Variants in FANCM observed in about 807,000 individuals in gnomAD.
The protein encoded by FANCM is Fanconi anemia group M protein.
A neutral mutation model predicts 199.5 loss-of-function variants in FANCM; 140 were observed. That is an observed-to-expected ratio of 0.70 (90% CI 0.61 to 0.81). The LOEUF (loss-of-function observed/expected upper bound fraction) is 0.81. FANCM is among the 30% of genes least tolerant of loss of function. The pLI is 0.00. For synonymous variants in FANCM, 840 were observed against 836.8 expected (o/e 1.00, Z -0.07); for missense variants, 2,410 against 2,421.4 (o/e 1.00, Z 0.10).
In FANCM at chr14:45,199,886, T is replaced by C; in HGVS notation, c.6025T>C (p.Ser2009Pro). The part of the protein sequence containing the change: ...RMANSSLQEI[S>P]MYAQVTHQKA... ...ATTTTTCAGCTCACTTCAAGAAATC[T>C]CCATGTATGCACAAGTAACTCATCA... Residue 2009 changes from serine (S) to proline (P), a missense_variant, in exon 23 of 23, where the codon TCC (serine) becomes CCC (proline). Transcript: ENST00000267430. 6.2e-7 allele frequency: 1 copy of C among 1,612,146 alleles called. No individual in the cohort carries two copies. Among genetic ancestry groups the C allele is most frequent in the Non-Finnish European group, 8.5e-7 (1 of 1,178,590 alleles).
chr14:45,166,937 T>C lies in FANCM; in HGVS notation c.1789-13T>C. The C allele has an allele frequency of 7.5e-7, 1 of 1,327,268 alleles. No homozygotes were observed. The highest frequency in any genetic ancestry group is 1.7e-5 in the Admixed American group (1 of 59,350). 82.2% of individuals were successfully genotyped at this position (1,327,268 alleles called of 1,614,324 possible). A position where few individuals can be genotyped will look rare whatever the true frequency, so the allele number is the denominator to read the frequency against. ...AAGTAATATAATCTGACATTTTCTATTTGTTTTTACAGATTTATAATCAGA... is the reference window on the plus strand; with the variant it reads ...AAGTAATATAATCTGACATTTTCTACTTGTTTTTACAGATTTATAATCAGA... On this transcript the variant is annotated splice_polypyrimidine_tract_variant and intron_variant, in intron 10 of 22. Transcript: ENST00000267430.
rs1039314869 is a variant in FANCM, at chr14:45,176,695, C to T, written c.3941C>T (p.Ala1314Val). 3.7e-6 allele frequency: 6 copies of T among 1,613,496 alleles called. No homozygotes were observed. The African/African-American group carries it at 4.0e-5, about 11-fold the overall frequency. Reference protein sequence around the residue: ...NPNYVHLPLSAAKNEELLSPG... With the variant: ...NPNYVHLPLSVAKNEELLSPG... ...AATTATGTACATTTGCCACTGAGTG[C>T]AGCAAAAAATGAAGAATTGTTATCT... is the stretch of plus-strand genomic sequence containing the variant. Residue 1314 changes from alanine (A) to valine (V), a missense_variant, in exon 14 of 23, where the codon GCA becomes GTA. Transcript: ENST00000267430.
At position 45,189,194 on chromosome 14, in the gene FANCM, T is replaced by G; in HGVS notation, c.5172T>G (p.Val1724=). The G allele has an allele frequency of 6.2e-7, 1 of 1,614,174 alleles. No individual in the cohort carries two copies. The highest frequency in any genetic ancestry group is 8.5e-7 in the Non-Finnish European group (1 of 1,180,026). The change falls in exon 20 of 23, where the codon GTT becomes GTG. Residue 1724 remains valine, a synonymous_variant. Coordinates refer to ENST00000267430, the MANE Select transcript of FANCM (RefSeq NM_020937.4). ...CCAAGGTGCGTTCTACTCCAAGAGTTAATCCATTAGCAAAGCAGAGCAAAC... is the reference window on the plus strand; with the variant it reads ...CCAAGGTGCGTTCTACTCCAAGAGTGAATCCATTAGCAAAGCAGAGCAAAC... ...AQSKVRSTPR[V]NPLAKQSKQT...
intron 20 of FANCM, among the ~76,000 whole-genome samples, chr14:45,191,310 A>T (rs535374696): frequency 6.6e-6 from 1 of 152,250 alleles, no homozygotes; most frequent in East Asian, 1.9e-4. Flanking sequence ...GCTGTAATTC[A>T]CACTAGTGAC....
At chr14:45,147,707 A>G (rs572185231) in intron 3 of FANCM, among the ~76,000 whole-genome samples, 65 of 151,282 alleles carry the variant, frequency 4.3e-4, no homozygotes, top group African/African-American at 1.5e-3. Flanking sequence ...AGTTAGGCCA[A>G]CATGGTGAAA....
rs1359577996 is a variant in FANCM at position 45,189,101 on chromosome 14, C to A, written c.5079C>A (p.Ser1693Arg). 1 of 1,614,146 alleles carries A rather than the reference C, an allele frequency of 6.2e-7. No homozygotes were observed. The change falls in exon 20 of 23, where the codon AGC becomes AGA. Residue 1693 changes from serine (S) to arginine (R), a missense_variant. Ser to Arg is a moderately radical substitution (Grantham distance 110). Coordinates refer to ENST00000267430, the MANE Select transcript of FANCM (RefSeq NM_020937.4). ...AATCTAATATTGCGGTTAACCCAAG[C>A]ACTGTTAAGAAGAACAAACAACAGG... The part of the protein sequence containing the change: ...KRESNIAVNP[S>R]TVKKNKQQDH...
Position 45,198,818 on chromosome 14 carries a change from T to C in FANCM, c.5891T>C (p.Val1964Ala). ...AATGTTGGTATTCATGTTCCAACAGTGGTGAATAGTAATAAAAGTGAGGCA... is the reference window on the plus strand; with the variant it reads ...AATGTTGGTATTCATGTTCCAACAGCGGTGAATAGTAATAAAAGTGAGGCA... ...RKNVGIHVPT[V>A]VNSNKSEALQ... Residue 1964 changes from valine to alanine, a missense_variant, in exon 22 of 23, where the codon GTG (valine) becomes GCG (alanine). By Grantham distance (64) the Val-to-Ala change is moderately conservative (BLOSUM62 0). Coordinates refer to ENST00000267430, the MANE Select transcript of FANCM (RefSeq NM_020937.4). The C allele has an allele frequency of 6.2e-7, 1 of 1,613,742 alleles. No homozygotes were observed. Among genetic ancestry groups the C allele is most frequent in the Non-Finnish European group, 8.5e-7 (1 of 1,179,676 alleles).
At chr14:45,167,854 A>G (rs1888091960) in intron 11 of FANCM, among the ~76,000 whole-genome samples, 1 of 152,180 alleles carries the variant, frequency 6.6e-6, no homozygotes, top group Non-Finnish European at 1.5e-5. Context: ...TCAAGGTAGG[A>G]ATGCTTCTGC....
intron 18 of FANCM, among the ~76,000 whole-genome samples, chr14:45,185,702 G>T (rs572547510): frequency 6.6e-6 from 1 of 152,018 alleles, no homozygotes; most frequent in African/African-American, 2.4e-5. Context: ...GAACAAAATA[G>T]ACAAAAAATT....
chr14:45,187,957 C>T, intron 19 of FANCM, 70 bp downstream of exon 19: 1 of 819,748 alleles, frequency 1.2e-6, no homozygotes, highest in Non-Finnish European at 2.1e-6. Context: ...GTTAGTGAAG[C>T]CTCCATTTTG....
chr14:45,162,078 A>G lies in FANCM; in HGVS notation c.1582-2281A>G, dbSNP rs117422890. ...TGAGCAACTGAAGGAGCTGGTATTA[A>G]CTAAGATGGATAAGACTGCAGGAAA... is the stretch of plus-strand genomic sequence containing the variant. On this transcript the variant is annotated intron_variant, in intron 9 of 22. Coordinates refer to ENST00000267430, the MANE Select transcript of FANCM (RefSeq NM_020937.4). 1.0e-3 allele frequency among the ~76,000 whole-genome samples: 153 copies of G among 152,266 alleles called. 1 individual carries two copies. In the Middle Eastern group the frequency reaches 0.01, roughly 10 times the overall value.
intron 9 of FANCM, among the ~76,000 whole-genome samples, chr14:45,161,713 G>A (rs993587988): frequency 2.6e-5 from 4 of 152,066 alleles, no homozygotes; most frequent in African/African-American, 9.7e-5. Context: ...AGAGGTCGAA[G>A]CTCCAGTGAG....
At chr14:45,147,583 G>A (rs749529226) in intron 3 of FANCM, among the ~76,000 whole-genome samples, 10 of 151,984 alleles carry the variant, frequency 6.6e-5, no homozygotes, top group Admixed American at 2.0e-4. Flanking sequence ...GCTGCTGCCC[G>A]GCCTAAACCC....
chr14:45,159,532 T>C (rs1887438640), intron 9 of FANCM, among the ~76,000 whole-genome samples: 1 of 152,104 alleles, frequency 6.6e-6, no homozygotes, highest in African/African-American at 2.4e-5. Flanking sequence ...ATTAACTGGG[T>C]TGGAATCCTG....
At chr14:45,145,720 C>T (rs1006331071) in intron 3 of FANCM, among the ~76,000 whole-genome samples, 7 of 151,904 alleles carry the variant, frequency 4.6e-5, no homozygotes, top group African/African-American at 1.2e-4. Flanking sequence ...GTCAGGAGAT[C>T]GAGACCACAC....
Position 45,135,975 on chromosome 14 carries a change from G to T in FANCM, c.-57G>T, listed in dbSNP as rs1885452655. 3.1e-6 allele frequency: 5 copies of T among 1,587,872 alleles called. No homozygotes were observed. The Admixed American group carries it at 6.7e-5, about 21-fold the overall frequency. On this transcript the variant is annotated 5_prime_UTR_variant, in exon 1 of 23. Transcript: ENST00000267430. Reference sequence around the variant, plus strand: ...AACCGATGGGGATCGGAACCGTAGCGGTTGAGCTGCTGCTGCTACGGATAT... The same window carrying T: ...AACCGATGGGGATCGGAACCGTAGCTGTTGAGCTGCTGCTGCTACGGATAT...
rs548366921 is a variant in FANCM at position 45,138,097 on chromosome 14, A to G, written c.681+856A>G. 7 of 152,328 alleles carry G rather than the reference A, an allele frequency of 4.6e-5. No homozygotes were observed. In the South Asian group the frequency reaches 1.4e-3, roughly 32 times the overall value. The allele number at this position is 152,328 out of a possible 1,614,324, so 9.4% of individuals were successfully genotyped here. A position where few individuals can be genotyped will look rare whatever the true frequency, so the allele number is the denominator to read the frequency against. ...TAGATGTGTTGAGTTTGAGGTGTCT[A>G]TGAGGAATTCAGCTGTAGATATTCA... is the stretch of plus-strand genomic sequence containing the variant. On this transcript the variant is annotated intron_variant, in intron 2 of 22. Coordinates refer to ENST00000267430, the MANE Select transcript of FANCM (RefSeq NM_020937.4).
intron 3 of FANCM, among the ~76,000 whole-genome samples, chr14:45,145,825 C>G (rs1458204973): frequency 6.6e-6 from 1 of 151,576 alleles, no homozygotes; most frequent in African/African-American, 2.4e-5. Context: ...TTTGGGAGGC[C>G]GAGGCGGGCG....
Position 45,162,616 on chromosome 14 carries a change from A to G in FANCM, c.1582-1743A>G, listed in dbSNP as rs74640565. 4.7e-3 allele frequency among the ~76,000 whole-genome samples: 721 copies of G among 152,306 alleles called. 4 individuals are homozygous for G. Among genetic ancestry groups the G allele is most frequent in the African/African-American group, 0.016 (682 of 41,566 alleles). On this transcript the variant is annotated intron_variant, in intron 9 of 22. Coordinates refer to ENST00000267430, the MANE Select transcript of FANCM (RefSeq NM_020937.4). ...CAGTTTTTGGACAGGCACCAGTAAT[A>G]AACAGTTCATGGAGCACACTTTCAG...
Sources: gnomAD v4.1 joint callset for allele counts (sites outside exome capture counted in the v4.1 genomes callset) on GRCh38, gnomAD v4.1.1 for gene constraint, MANE v1.5 for transcripts, NCBI Gene and HGNC (gene_info 2026-07-23, HGNC 2026-07-21) for gene names.